Variants in STXBP5L observed in about 807,000 individuals in gnomAD.
The protein encoded by STXBP5L is syntaxin binding protein 5L.
Under a neutral mutation model 144.5 loss-of-function variants are expected in STXBP5L, and 65 were observed. The ratio of observed to expected loss-of-function variants is 0.45; its 90% confidence interval spans 0.37 to 0.55. STXBP5L has a LOEUF of 0.55. Ranked by LOEUF, STXBP5L falls within the 20% of genes least tolerant of loss-of-function variation. The pLI is 0.00. For synonymous variants in STXBP5L, 505 were observed against 469.6 expected, an observed-to-expected ratio of 1.08 and a Z score of -0.97; for missense variants, 1,298 against 1,405.5, an observed-to-expected ratio of 0.92 and a Z score of 1.22.
At chr3:121,254,261 A>G (rs2050134565) in intron 15 of STXBP5L, among the ~76,000 whole-genome samples, 1 of 152,184 alleles carries the variant, frequency 6.6e-6, no homozygotes, top group African/African-American at 2.4e-5. Flanking sequence ...ATGGAAAAAT[A>G]TTCCCCCAAA....
chr3:121,064,413 A>G (rs1345928651), intron 5 of STXBP5L, among the ~76,000 whole-genome samples: 1 of 152,168 alleles, frequency 6.6e-6, no homozygotes, highest in African/African-American at 2.4e-5. Flanking sequence ...AGCTGTTCCT[A>G]TTTGGCCATC....
intron 3 of STXBP5L, among the ~76,000 whole-genome samples, chr3:121,016,974 G>A (rs899478548): frequency 6.6e-6 from 1 of 152,080 alleles, no homozygotes; most frequent in Non-Finnish European, 1.5e-5. Context: ...TCCAGACAAA[G>A]ACATTACCAG....
At chr3:121,045,613 GC>G (rs1947465175) in intron 5 of STXBP5L, 78 bp downstream of exon 5, 1 of 1,256,046 alleles carries the variant, frequency 8.0e-7, no homozygotes, top group Admixed American at 2.1e-5. Flanking sequence ...AACTTGACAG[GC>G]TTTTTTCCTC....
At chr3:121,221,934 A>G (rs1262831349) in intron 10 of STXBP5L, among the ~76,000 whole-genome samples, 1 of 151,932 alleles carries the variant, frequency 6.6e-6, no homozygotes, top group African/African-American at 2.4e-5. Flanking sequence ...TCCCACTGAT[A>G]ATGTTTGGCG....
chr3:121,408,687 T>C (rs1003926618), intron 23 of STXBP5L, among the ~76,000 whole-genome samples: 2 of 151,838 alleles, frequency 1.3e-5, no homozygotes, highest in African/African-American at 2.4e-5. Context: ...TAATAGGAAA[T>C]GGGGTTTTAA....
intron 3 of STXBP5L, among the ~76,000 whole-genome samples, chr3:120,963,103 T>C (rs116230740): frequency 0.035 from 5,260 of 152,302 alleles, 336 homozygotes; most frequent in Admixed American, 0.17. Flanking sequence ...TAAGAATGCT[T>C]TTGATTTTTG....
chr3:121,404,469 T>C (rs972041771), intron 22 of STXBP5L, among the ~76,000 whole-genome samples: 5 of 152,132 alleles, frequency 3.3e-5, no homozygotes, highest in African/African-American at 1.2e-4. Context: ...TTCTGTTACA[T>C]GAAAGTTAGA....
chr3:121,288,241 G>A (rs1239664859), intron 19 of STXBP5L, among the ~76,000 whole-genome samples: 1 of 152,162 alleles, frequency 6.6e-6, no homozygotes, highest in Non-Finnish European at 1.5e-5. Flanking sequence ...GTCTACTGTT[G>A]ATGGGCATTT....
intron 3 of STXBP5L, among the ~76,000 whole-genome samples, chr3:121,032,468 C>G (rs563942646): frequency 6.6e-6 from 1 of 151,858 alleles, no homozygotes; most frequent in Non-Finnish European, 1.5e-5. Flanking sequence ...CATAAAAACC[C>G]TAGAAGAAAA....
At chr3:120,968,865 C>G (rs1415671989) in intron 3 of STXBP5L, among the ~76,000 whole-genome samples, 2 of 152,088 alleles carry the variant, frequency 1.3e-5, no homozygotes, top group African/African-American at 4.8e-5. Flanking sequence ...TAAGTTCCTG[C>G]AAGAGGCATT....
intron 3 of STXBP5L, among the ~76,000 whole-genome samples, chr3:120,962,651 C>A (rs962693990): frequency 1.4e-4 from 21 of 152,120 alleles, no homozygotes; most frequent in Non-Finnish European, 2.6e-4. Context: ...TGTTTTGGTA[C>A]CAGTACCATG....
intron 4 of STXBP5L, among the ~76,000 whole-genome samples, chr3:121,043,446 C>CA (rs1947295754): frequency 6.6e-6 from 1 of 151,196 alleles, no homozygotes; most frequent in Non-Finnish European, 1.5e-5. Context: ...CGCGGTGGCT[C>CA]ACGCCTGTAA....
intron 2 of STXBP5L, among the ~76,000 whole-genome samples, chr3:120,941,526 A>G (rs1280177928): frequency 6.6e-6 from 1 of 151,816 alleles, no homozygotes; most frequent in Non-Finnish European, 1.5e-5. Context: ...CTTCATTACT[A>G]TAGAAAGTTC....
intron 2 of STXBP5L, among the ~76,000 whole-genome samples, chr3:120,936,288 T>C (rs143447295): frequency 6.6e-6 from 1 of 152,316 alleles, no homozygotes; most frequent in South Asian, 2.1e-4. Context: ...CCATAGCTTA[T>C]TAATCATAGA....
intron 20 of STXBP5L, among the ~76,000 whole-genome samples, chr3:121,346,408 A>G (rs891084678): frequency 3.3e-5 from 5 of 152,096 alleles, no homozygotes; most frequent in African/African-American, 1.2e-4. Context: ...GCCGCAATAA[A>G]CATACATGTG....
intron 20 of STXBP5L, among the ~76,000 whole-genome samples, chr3:121,353,084 C>T (rs1421190011): frequency 6.6e-6 from 1 of 152,060 alleles, no homozygotes; most frequent in African/African-American, 2.4e-5. Flanking sequence ...TTCGGTTTGC[C>T]AGTATTTTAT....
chr3:121,335,423 A>G (rs971021745), intron 20 of STXBP5L, among the ~76,000 whole-genome samples: 2 of 152,154 alleles, frequency 1.3e-5, no homozygotes, highest in Non-Finnish European at 2.9e-5. Flanking sequence ...TACCAATGAC[A>G]TGTTTCACAG....
At chr3:121,372,103 C>T (rs538100422) in intron 20 of STXBP5L, among the ~76,000 whole-genome samples, 1 of 152,238 alleles carries the variant, frequency 6.6e-6, no homozygotes, top group South Asian at 2.1e-4. Context: ...GTGGTGCAGG[C>T]AGGGGCACTC....
At chr3:121,095,528 C>A (rs1006218932) in intron 5 of STXBP5L, among the ~76,000 whole-genome samples, 1 of 152,150 alleles carries the variant, frequency 6.6e-6, no homozygotes, top group African/African-American at 2.4e-5. Context: ...CGCTTCATTT[C>A]ATTCATTTGG....
Sources: gnomAD v4.1 joint callset for allele counts (sites outside exome capture counted in the v4.1 genomes callset) on GRCh38, gnomAD v4.1.1 for gene constraint, MANE v1.5 for transcripts, NCBI Gene and HGNC (gene_info 2026-07-23, HGNC 2026-07-21) for gene names.